Variants in NIN observed in about 807,000 individuals in gnomAD.
NIN encodes the protein ninein.
NIN carries 137 observed loss-of-function variants against 257.6 expected under a neutral mutation model. The observed-to-expected ratio is 0.53, with a 90% CI of 0.46 to 0.61. NIN has a LOEUF of 0.61. Ranked by LOEUF, NIN falls within the 20% of genes least tolerant of loss-of-function variation. NIN has a pLI of 0.00. For missense variants in NIN, 2,439 were observed against 2,501.2 expected, an observed-to-expected ratio of 0.98 and a Z score of 0.53; for synonymous variants, 918 against 919.8, an observed-to-expected ratio of 1.00 and a Z score of 0.04.
At chr14:50,803,826 C>T (rs560915203) in intron 4 of NIN, among the ~76,000 whole-genome samples, 1 of 152,112 alleles carries the variant, frequency 6.6e-6, no homozygotes, top group African/African-American at 2.4e-5. Context: ...AATCCTGACC[C>T]TACTTCCTCT....
chr14:50,770,354 G>A, intron 12 of NIN, 34 bp downstream of exon 12: 1 of 1,601,302 alleles, frequency 6.2e-7, no homozygotes, highest in Non-Finnish European at 8.5e-7. Context: ...GTTCCCGGCA[G>A]GGACGCAGAC....
intron 26 of NIN, 94 bp from the exon 27 acceptor site, chr14:50,738,380 G>T: frequency 9.4e-7 from 1 of 1,068,864 alleles, no homozygotes; most frequent in South Asian, 1.6e-5. Context: ...TCAGTACTTG[G>T]GTCCTGTTTA....
chr14:50,736,090 C>T (rs2040961220), intron 27 of NIN, among the ~76,000 whole-genome samples: 1 of 152,104 alleles, frequency 6.6e-6, no homozygotes, highest in East Asian at 1.9e-4. Context: ...ATTGAGAGTA[C>T]ATAAAACCTG....
chr14:50,779,706 C>T (rs865839974), intron 5 of NIN, among the ~76,000 whole-genome samples: 193 of 151,008 alleles, frequency 1.3e-3, no homozygotes, highest in African/African-American at 4.4e-3. Context: ...TGCAGTAAGC[C>T]GAGATCGCGC....
At chr14:50,801,370 C>G (rs1421856081) in intron 4 of NIN, among the ~76,000 whole-genome samples, 1 of 152,186 alleles carries the variant, frequency 6.6e-6, no homozygotes, top group Non-Finnish European at 1.5e-5. Context: ...GGATTATAGG[C>G]GTGAGCCACC....
intron 5 of NIN, among the ~76,000 whole-genome samples, chr14:50,779,563 C>T (rs2043047040): frequency 6.6e-6 from 1 of 152,080 alleles, no homozygotes. Flanking sequence ...TCGAGACCAT[C>T]CTGGCCAACA....
At chr14:50,767,792 G>A (rs1017664774) in intron 12 of NIN, among the ~76,000 whole-genome samples, 2 of 150,452 alleles carry the variant, frequency 1.3e-5, no homozygotes, top group African/African-American at 4.9e-5. Flanking sequence ...ACTCCAGCCT[G>A]GGCGACACAG....
rs61755995 is a variant in NIN at position 50,752,631 on chromosome 14, G to A, written c.4837C>T (p.Arg1613Cys). ...TTCTGGCATAGCATTTCTGTTAGAC[G>A]TTGATTAAGTTCTTGCAGTTTTTCC... ...NQEKLQELNQ[R>C]LTEMLCQKEK... is the part of the protein sequence containing the mutation. Residue 1613 changes from arginine (R) to cysteine (C), a missense_variant, in exon 21 of 31, where the codon CGT (arginine) becomes TGT (cysteine). Physicochemically the swap from Arg to Cys is radical, Grantham distance 180. Around this residue, in one of 3 missense-constraint regions of NIN, gnomAD observed 2,043 missense variants for 2,050.2 expected, o/e 1.00. Coordinates refer to ENST00000530997, the MANE Select transcript of NIN (RefSeq NM_020921.4). 9,752 of 1,613,602 alleles carry A rather than the reference G, an allele frequency of 6.0e-3. 730 individuals carry two copies. The East Asian group carries it at 0.17, about 28-fold the overall frequency.
At position 50,829,367 on chromosome 14, in the gene NIN, A is replaced by C. The variant is rs1474020509; in HGVS notation, c.-22+1097T>G. On this transcript the variant is annotated intron_variant, in intron 2 of 30. Coordinates refer to ENST00000530997, the MANE Select transcript of NIN (RefSeq NM_020921.4). ...AGACTCAAGGTAAAATTAAACTGAC[A>C]GAAAAAAGGAATTTTCCTTGTTAGA... Among the ~76,000 whole-genome samples the C allele has an allele frequency of 2.0e-5, 3 of 152,246 alleles. No individual in the cohort carries two copies. In the East Asian group the frequency reaches 5.8e-4, roughly 29 times the overall value.
intron 5 of NIN, 61 bp from the exon 6 acceptor site, chr14:50,778,865 C>A (rs547909277): frequency 6.4e-7 from 1 of 1,554,108 alleles, no homozygotes; most frequent in Admixed American, 1.7e-5. Flanking sequence ...ACTATCCTAG[C>A]TTTTCCTAGA....
intron 22 of NIN, among the ~76,000 whole-genome samples, chr14:50,744,926 A>C (rs1440469239): frequency 6.6e-6 from 1 of 152,066 alleles, no homozygotes; most frequent in Admixed American, 6.5e-5. Context: ...CTCTGTCTCC[A>C]AAACAAAACA....
At chr14:50,767,458 GA>G (rs1230769575) in intron 12 of NIN, among the ~76,000 whole-genome samples, 1 of 152,262 alleles carries the variant, frequency 6.6e-6, no homozygotes, top group East Asian at 1.9e-4. Flanking sequence ...ACAAATGAAA[GA>G]AAATGATTAC....
chr14:50,758,604 C>T lies in NIN; in HGVS notation c.2426G>A (p.Arg809Lys), dbSNP rs1437406459. 6.4e-7 allele frequency: 1 copy of T among 1,572,462 alleles called. No homozygotes were observed. Among genetic ancestry groups the T allele is most frequent in the Non-Finnish European group, 8.6e-7 (1 of 1,161,256 alleles). Residue 809 changes from arginine to lysine, a missense_variant, in exon 18 of 31, where the codon AGA becomes AAA. Coordinates refer to ENST00000530997, the MANE Select transcript of NIN (RefSeq NM_020921.4). ...GREKMETECN[R>K]RTSQIEAQFQ... is the part of the protein sequence containing the mutation. ...CTGGGCTTCTATTTGAGAGGTTCTT[C>T]TATTACACTCTGTTTCCATTTTTTC...
intron 4 of NIN, among the ~76,000 whole-genome samples, chr14:50,796,613 T>A (rs1180290704): frequency 1.3e-5 from 2 of 152,156 alleles, no homozygotes; most frequent in Non-Finnish European, 2.9e-5. Context: ...ACCATGCACA[T>A]GTATGATGCT....
intron 5 of NIN, among the ~76,000 whole-genome samples, chr14:50,784,965 A>G (rs60771195): frequency 6.6e-6 from 1 of 152,182 alleles, no homozygotes; most frequent in Non-Finnish European, 1.5e-5. Flanking sequence ...AGAGGGGAGA[A>G]GGTCAGAGGT....
chr14:50,830,692 CG>C (rs2045666326), intron 1 of NIN, 175 bp from the exon 2 acceptor site: 1 of 160,842 alleles, frequency 6.2e-6, no homozygotes, highest in Non-Finnish European at 1.5e-5. Context: ...TCGGGGGCCG[CG>C]GGCTGCAGCG....
At chr14:50,794,534 A>G (rs1436934951) in intron 4 of NIN, 7 of 943,358 alleles carry the variant, frequency 7.4e-6, no homozygotes, top group Non-Finnish European at 8.9e-6. Flanking sequence ...TGCTAGTCAG[A>G]TAAGAGGCAA....
At chr14:50,753,799 G>C (rs2041904064) in intron 20 of NIN, among the ~76,000 whole-genome samples, 1 of 150,562 alleles carries the variant, frequency 6.6e-6, no homozygotes, top group Non-Finnish European at 1.5e-5. Context: ...TTTACTTCTT[G>C]CTAATTCAAT....
chr14:50,741,823 G>A, intron 24 of NIN, 95 bp from the exon 25 acceptor site: 2 of 1,399,636 alleles, frequency 1.4e-6, no homozygotes, highest in Non-Finnish European at 1.9e-6. Context: ...GAACTTTCAA[G>A]TCTGTTTGTT....
Sources: gnomAD v4.1 joint callset for allele counts (sites outside exome capture counted in the v4.1 genomes callset) on GRCh38, gnomAD v4.1.1 for gene constraint, gnomAD v4.1.1 regional missense constraint, MANE v1.5 for transcripts, NCBI Gene and HGNC (gene_info 2026-07-23, HGNC 2026-07-21) for gene names.